MLLT10: variants seen among roughly 807,000 people sequenced by gnomAD.
MLLT10 encodes MLLT10 histone lysine methyltransferase DOT1L cofactor.
MLLT10 carries 30 observed loss-of-function variants against 129.1 expected under a neutral mutation model. That is an observed-to-expected ratio of 0.23 (90% CI 0.17 to 0.32). The LOEUF is 0.32. Ranked by LOEUF, MLLT10 falls within the 10% of genes least tolerant of loss-of-function variation. The pLI is 1.00. For synonymous variants in MLLT10, 490 were observed against 446.4 expected (o/e 1.10, Z -1.23); for missense variants, 1,119 against 1,268.3 (o/e 0.88, Z 1.79).
rs146032031 is a variant in MLLT10, at chr10:21,635,129, G to A, written c.700-16544G>A. ...ATGCGCTTACCTGTTACTGGCCAGTGCAGAACTCTTCCTGGTTTCAGCTGC... is the reference window on the plus strand; with the variant it reads ...ATGCGCTTACCTGTTACTGGCCAGTACAGAACTCTTCCTGGTTTCAGCTGC... On this transcript the variant is annotated intron_variant, in intron 8 of 22. Transcript: ENST00000307729. Among the ~76,000 whole-genome samples the A allele has an allele frequency of 3.9e-5, 6 of 152,272 alleles. No individual in the cohort carries two copies. The East Asian group carries it at 9.6e-4, about 24-fold the overall frequency.
At chr10:21,553,102 A>G (rs1387554991) in intron 3 of MLLT10, among the ~76,000 whole-genome samples, 4 of 151,982 alleles carry the variant, frequency 2.6e-5, no homozygotes, top group Non-Finnish European at 5.9e-5. Context: ...CTGTTTCTTT[A>G]TATTTAAGAA....
At chr10:21,575,792 A>G (rs1451779554) in intron 3 of MLLT10, among the ~76,000 whole-genome samples, 4 of 152,114 alleles carry the variant, frequency 2.6e-5, no homozygotes, top group Admixed American at 1.3e-4. Context: ...TTTTTGCTTC[A>G]TGTATTTTGA....
At chr10:21,717,499 C>T (rs1339540972) in intron 14 of MLLT10, among the ~76,000 whole-genome samples, 5 of 75,154 alleles carry the variant, frequency 6.7e-5, no homozygotes, top group Non-Finnish European at 5.6e-5. Flanking sequence ...TCCTCCTCCT[C>T]CTCCTCCTCC....
chr10:21,590,554 G>A (rs1041558525), intron 4 of MLLT10, among the ~76,000 whole-genome samples: 1 of 152,050 alleles, frequency 6.6e-6, no homozygotes, highest in Non-Finnish European at 1.5e-5. Context: ...GGCCAGTCTG[G>A]TCTTGAACTC....
At chr10:21,548,878 C>G (rs948871091) in intron 3 of MLLT10, among the ~76,000 whole-genome samples, 3 of 151,904 alleles carry the variant, frequency 2.0e-5, no homozygotes, top group Non-Finnish European at 2.9e-5. Context: ...TTAAAACATA[C>G]TTATTGTAAA....
In MLLT10 at chr10:21,614,849, G is replaced by C. The variant is rs202041919; in HGVS notation, c.528G>C (p.Leu176=). The change falls in exon 7 of 23, where the codon CTG becomes CTC. Residue 176 remains leucine, a synonymous_variant. Coordinates refer to ENST00000307729, the MANE Select transcript of MLLT10 (RefSeq NM_001195626.3). The stretch of plus-strand genomic sequence containing the variant: ...TTTTCAGCGCTCAGTTTGCCGGACT[G>C]CTTTGTGAAGAAGAAGGTAATGGTG... The part of the protein sequence containing the change: ...FHVTCAQFAG[L]LCEEEGNGAD... 66 of 1,612,516 alleles carry C rather than the reference G, an allele frequency of 4.1e-5. No homozygotes were observed. Among genetic ancestry groups the C allele is most frequent in the Non-Finnish European group, 5.3e-5 (63 of 1,179,628 alleles).
chr10:21,646,157 G>A (rs1308360834), intron 8 of MLLT10, among the ~76,000 whole-genome samples: 4 of 152,208 alleles, frequency 2.6e-5, no homozygotes, highest in Non-Finnish European at 5.9e-5. Flanking sequence ...AGGGAGTTGA[G>A]ATCACACCAC....
chr10:21,732,758 C>T (rs889984795), intron 17 of MLLT10, 141 bp from the exon 18 acceptor site: 13 of 688,764 alleles, frequency 1.9e-5, no homozygotes, highest in East Asian at 3.2e-5. Flanking sequence ...AATTTAGGAA[C>T]AAAACTTTAT....
chr10:21,655,411 A>G (rs1386391070), intron 9 of MLLT10, among the ~76,000 whole-genome samples: 5 of 152,234 alleles, frequency 3.3e-5, no homozygotes, highest in African/African-American at 4.8e-5. Flanking sequence ...GTAGCCATAG[A>G]CAATTTGTAA....
At chr10:21,733,629 T>G (rs1338747051) in intron 19 of MLLT10, 37 bp downstream of exon 19, 2 of 1,472,612 alleles carry the variant, frequency 1.4e-6, no homozygotes, top group Middle Eastern at 2.0e-4. Context: ...TATGTTGATT[T>G]ACTTGTGAAT....
intron 8 of MLLT10, among the ~76,000 whole-genome samples, chr10:21,644,452 C>T (rs2048297433): frequency 6.6e-6 from 1 of 151,970 alleles, no homozygotes; most frequent in Non-Finnish European, 1.5e-5. Flanking sequence ...AGTATAGAAG[C>T]TTGGGAGGAG....
At chr10:21,657,340 C>G (rs1036943810) in intron 9 of MLLT10, among the ~76,000 whole-genome samples, 36 of 146,430 alleles carry the variant, frequency 2.5e-4, no homozygotes, top group African/African-American at 8.5e-4. Context: ...TTGCAGTGAG[C>G]CAAGATGGTA....
At chr10:21,621,851 T>C (rs925368297) in intron 8 of MLLT10, among the ~76,000 whole-genome samples, 2 of 152,246 alleles carry the variant, frequency 1.3e-5, no homozygotes, top group Admixed American at 6.5e-5. Context: ...TCTCTTTGTG[T>C]ATTTAAAAAT....
At chr10:21,634,110 C>T (rs2047245294) in intron 8 of MLLT10, among the ~76,000 whole-genome samples, 1 of 152,062 alleles carries the variant, frequency 6.6e-6, no homozygotes, top group Non-Finnish European at 1.5e-5. Flanking sequence ...TGACGTGGCT[C>T]GTGCCTGTAA....
At chr10:21,699,235 CT>C (rs779156884) in intron 13 of MLLT10, among the ~76,000 whole-genome samples, 2,360 of 137,358 alleles carry the variant, frequency 0.017, 24 homozygotes, top group African/African-American at 0.04. Flanking sequence ...TTAATGGTAT[CT>C]TTTTTTTTTT....
intron 5 of MLLT10, among the ~76,000 whole-genome samples, chr10:21,604,096 C>T (rs924525876): frequency 4.6e-5 from 7 of 152,176 alleles, no homozygotes; most frequent in South Asian, 4.1e-4. Flanking sequence ...GCCTTCTGGA[C>T]CCCCCAAAAT....
At chr10:21,715,731 T>C (rs1317907885) in intron 14 of MLLT10, among the ~76,000 whole-genome samples, 1 of 152,228 alleles carries the variant, frequency 6.6e-6, no homozygotes, top group Non-Finnish European at 1.5e-5. Flanking sequence ...GAGAAGTTTA[T>C]AGCTAGAGGG....
chr10:21,686,357 C>T (rs1246978567), intron 13 of MLLT10, among the ~76,000 whole-genome samples: 1 of 152,050 alleles, frequency 6.6e-6, no homozygotes, highest in South Asian at 2.1e-4. Context: ...ATATATCTTT[C>T]CTTACTTTTC....
chr10:21,688,593 T>TTA, intron 13 of MLLT10: 1 of 1,514,852 alleles, frequency 6.6e-7, no homozygotes, highest in Non-Finnish European at 9.1e-7. Context: ...ATTAATCCTA[T>TTA]TGTAGCTTGG....
Sources: allele counts gnomAD v4.1 joint callset (sites outside exome capture counted in the v4.1 genomes callset), GRCh38; gene constraint gnomAD v4.1.1; transcripts MANE v1.5; gene names NCBI Gene and HGNC (gene_info 2026-07-23, HGNC 2026-07-21).